Variants in TG observed in about 807,000 individuals in gnomAD.
TG encodes the protein thyroid hormones.
Under a neutral mutation model 324.7 loss-of-function variants are expected in TG, and 270 were observed. That is an observed-to-expected ratio of 0.83 (90% CI 0.75 to 0.92). The LOEUF is 0.92. Ranked by LOEUF, TG falls within the 40% of genes least tolerant of loss-of-function variation. The pLI is 0.00. For synonymous variants in TG, 1,401 were observed against 1,327.0 expected (o/e 1.06, Z -1.21); for missense variants, 3,591 against 3,456.4 (o/e 1.04, Z -0.98).
In TG at chr8:133,029,061, C is replaced by A. The variant is rs190328355; in HGVS notation, c.7037-760C>A. On this transcript the variant is annotated intron_variant, in intron 40 of 47. Coordinates refer to ENST00000220616, the MANE Select transcript of TG (RefSeq NM_003235.5). ...GGAAGAATGGGAACCTCAGATGAGA[C>A]AAGAATGAGATCTGGTGTTTCAAGG... Among the ~76,000 whole-genome samples the A allele has an allele frequency of 2.0e-5, 3 of 152,104 alleles. No individual in the cohort carries two copies. In the East Asian group the frequency reaches 5.8e-4, roughly 29 times the overall value.
intron 33 of TG, chr8:132,972,311 A>G (rs1218348729): frequency 7.8e-6 from 4 of 515,774 alleles, no homozygotes; most frequent in South Asian, 6.3e-5. Context: ...CTTCCTCGTA[A>G]GGTTATGTGA....
In TG at chr8:133,123,813, G is replaced by A. The variant is rs942006233; in HGVS notation, c.7862+7097G>A. 5.9e-5 allele frequency among the ~76,000 whole-genome samples: 9 copies of A among 152,210 alleles called. No individual in the cohort carries two copies. The South Asian group carries it at 8.3e-4, about 14-fold the overall frequency. On this transcript the variant is annotated intron_variant, in intron 45 of 47. Transcript: ENST00000220616. Reference sequence around the variant, plus strand: ...CTGTTTCCTGTCTTTCAAGGGCTCTGCCACTTTCTATGTGCCTCTTTAAGA... The same window carrying A: ...CTGTTTCCTGTCTTTCAAGGGCTCTACCACTTTCTATGTGCCTCTTTAAGA...
chr8:133,091,317 T>G (rs1379124227), intron 41 of TG, among the ~76,000 whole-genome samples: 2 of 152,188 alleles, frequency 1.3e-5, no homozygotes, highest in East Asian at 1.9e-4. Context: ...TAGACACCAC[T>G]GTAGATGAGG....
chr8:133,133,023 G>T (rs761413525), intron 46 of TG, among the ~76,000 whole-genome samples: 13 of 152,184 alleles, frequency 8.5e-5, no homozygotes, highest in Non-Finnish European at 1.6e-4. Context: ...GTTTGGGAAG[G>T]AGCCTTTATC....
At position 132,868,180 on chromosome 8, in the gene TG, CA is replaced by C. The variant is rs1458505722; in HGVS notation, c.135del (p.Ala46GlnfsTer60). The C allele has an allele frequency of 6.2e-7, 1 of 1,614,032 alleles. No individual in the cohort carries two copies. The highest frequency in any genetic ancestry group is 8.5e-7 in the Non-Finnish European group (1 of 1,180,050). On this transcript the variant is annotated frameshift_variant, in exon 2 of 48. Coordinates refer to ENST00000220616, the MANE Select transcript of TG (RefSeq NM_003235.5). LOFTEE classifies it high-confidence loss of function. Reference sequence around the variant, plus strand: ...GCAGAGGGAAACGGCCTTTCTGAAGCAAGCAGACTACGTGCCCCAGTGTGCA... The same window carrying C: ...GCAGAGGGAAACGGCCTTTCTGAAGCAGCAGACTACGTGCCCCAGTGTGCA... ...ELQRETAFLKQADYVPQCAED... is the reference protein window; with the variant it reads ...ELQRETAFLKXADYVPQCAED...
chr8:133,044,987 A>C, intron 41 of TG: 2 of 1,614,176 alleles, frequency 1.2e-6, no homozygotes, highest in Non-Finnish European at 1.7e-6. Flanking sequence ...CTCTTACCAG[A>C]ATAGTGGTTC....
chr8:133,042,795 G>A (rs1838552933), intron 41 of TG, among the ~76,000 whole-genome samples: 1 of 145,614 alleles, frequency 6.9e-6, no homozygotes, highest in Non-Finnish European at 1.5e-5. Context: ...CTGGGTTCAA[G>A]TGATTCCCCT....
intron 32 of TG, among the ~76,000 whole-genome samples, chr8:132,971,078 G>A (rs1265023684): frequency 6.6e-6 from 1 of 152,178 alleles, no homozygotes; most frequent in Non-Finnish European, 1.5e-5. Flanking sequence ...GGTCAGACTG[G>A]AGCAGAGTGG....
intron 41 of TG, among the ~76,000 whole-genome samples, chr8:133,093,673 G>A (rs1847942479): frequency 6.6e-6 from 1 of 152,118 alleles, no homozygotes; most frequent in Non-Finnish European, 1.5e-5. Flanking sequence ...CCTTGCCTCT[G>A]ACCCTAGCCA....
intron 41 of TG, chr8:133,037,892 A>T (rs1377502143): frequency 6.6e-6 from 1 of 152,404 alleles, no homozygotes; most frequent in Non-Finnish European, 1.5e-5. Context: ...AGGGAGGCCA[A>T]CTGACTTCCA....
chr8:133,084,177 C>T (rs544156042), intron 41 of TG, among the ~76,000 whole-genome samples: 12 of 151,880 alleles, frequency 7.9e-5, no homozygotes, highest in African/African-American at 2.7e-4. Context: ...AAAGGAGGGA[C>T]GAAATGGAGA....
At chr8:133,089,572 A>T (rs1301025300) in intron 41 of TG, among the ~76,000 whole-genome samples, 1 of 152,176 alleles carries the variant, frequency 6.6e-6, no homozygotes, top group Non-Finnish European at 1.5e-5. Flanking sequence ...CTGGGATTTA[A>T]TGACCTCTGA....
intron 26 of TG, among the ~76,000 whole-genome samples, chr8:132,947,366 C>T (rs1169048296): frequency 1.3e-5 from 2 of 152,136 alleles, no homozygotes; most frequent in Admixed American, 6.5e-5. Context: ...GTCTAAGCAT[C>T]CTTGTTCAGA....
At chr8:133,080,549 TG>T (rs1845590691) in intron 41 of TG, among the ~76,000 whole-genome samples, 2 of 152,186 alleles carry the variant, frequency 1.3e-5, no homozygotes, top group Admixed American at 1.3e-4. Flanking sequence ...ACTCAGGCCC[TG>T]CTGCTATCCT....
intron 19 of TG, among the ~76,000 whole-genome samples, chr8:132,912,755 G>A: frequency 6.6e-6 from 1 of 152,132 alleles, no homozygotes; most frequent in East Asian, 1.9e-4. Flanking sequence ...TTAGACTAGT[G>A]ACTGAAGACC....
At chr8:132,895,278 C>G (rs912739194) in intron 11 of TG, among the ~76,000 whole-genome samples, 1 of 152,256 alleles carries the variant, frequency 6.6e-6, no homozygotes, top group Admixed American at 6.5e-5. Context: ...CAGTCCTCCC[C>G]TGACAACATC....
At chr8:133,078,944 C>T (rs1185032553) in intron 41 of TG, among the ~76,000 whole-genome samples, 1 of 152,060 alleles carries the variant, frequency 6.6e-6, no homozygotes, top group African/African-American at 2.4e-5. Flanking sequence ...AGAAAGATGT[C>T]GGTAGGGAGG....
chr8:133,038,397 TG>T, intron 41 of TG: 1 of 724,716 alleles, frequency 1.4e-6, no homozygotes, highest in Non-Finnish European at 2.4e-6. Flanking sequence ...AGTCTCCATG[TG>T]GCTTCTCTTG....
chr8:132,971,378 C>CTA (rs1237981157), intron 32 of TG, among the ~76,000 whole-genome samples: 1 of 152,172 alleles, frequency 6.6e-6, no homozygotes, highest in Admixed American at 6.5e-5. Flanking sequence ...GACTGTAAGC[C>CTA]TATGGACTCT....
Sources: allele counts gnomAD v4.1 joint callset (sites outside exome capture counted in the v4.1 genomes callset), GRCh38; gene constraint gnomAD v4.1.1; transcripts MANE v1.5; gene names NCBI Gene and HGNC (gene_info 2026-07-23, HGNC 2026-07-21).